KATNIP: variants seen among roughly 807,000 people sequenced by gnomAD.
KATNIP encodes katanin interacting protein.
KATNIP carries 126 observed loss-of-function variants against 174.0 expected under a neutral mutation model. The observed-to-expected ratio is 0.72, with a 90% CI of 0.63 to 0.84. The LOEUF (loss-of-function observed/expected upper bound fraction) is 0.84. Ranked by LOEUF, KATNIP falls within the 40% of genes least tolerant of loss-of-function variation. KATNIP has a pLI of 0.00. For synonymous variants in KATNIP, 810 were observed against 835.7 expected, an observed-to-expected ratio of 0.97 and a Z score of 0.53; for missense variants, 1,958 against 2,109.7, an observed-to-expected ratio of 0.93 and a Z score of 1.41.
chr16:27,589,677 T>C (rs2075108947), intron 2 of KATNIP, among the ~76,000 whole-genome samples: 1 of 152,328 alleles, frequency 6.6e-6, no homozygotes, highest in African/African-American at 2.4e-5. Flanking sequence ...TTTATTCCTG[T>C]GTTTTGGAAA....
intron 2 of KATNIP, among the ~76,000 whole-genome samples, chr16:27,609,640 T>G (rs946075904): frequency 6.6e-6 from 1 of 151,638 alleles, no homozygotes; most frequent in African/African-American, 2.4e-5. Flanking sequence ...TCCGCCCACC[T>G]CAGCCTCCCA....
At chr16:27,704,042 C>G in intron 12 of KATNIP, 44 bp downstream of exon 12, 1 of 1,479,208 alleles carries the variant, frequency 6.8e-7, no homozygotes, top group Non-Finnish European at 9.4e-7. Flanking sequence ...TCAGGAAGTT[C>G]CCTCAGAACA....
intron 2 of KATNIP, among the ~76,000 whole-genome samples, chr16:27,582,610 G>A (rs1252390432): frequency 6.6e-6 from 1 of 152,166 alleles, no homozygotes. Flanking sequence ...GTGCAGCAGA[G>A]GAATTGAGCT....
At chr16:27,596,507 T>C (rs1255863248) in intron 2 of KATNIP, among the ~76,000 whole-genome samples, 1 of 152,196 alleles carries the variant, frequency 6.6e-6, no homozygotes, top group Non-Finnish European at 1.5e-5. Context: ...TGTATTAAGC[T>C]GAGTCTGTCT....
In KATNIP at chr16:27,649,914, G is replaced by A. The variant is rs186557270; in HGVS notation, c.540+1179G>A. Among the ~76,000 whole-genome samples, 12 of 152,252 alleles carry A rather than the reference G, an allele frequency of 7.9e-5. No homozygotes were observed. In the South Asian group the frequency reaches 8.3e-4, roughly 11 times the overall value. Reference sequence around the variant, plus strand: ...CCTGGGGCCAGGCGCTGTGGCTCACGCCTGTAATCCTAGCACTTTGGGAGG... The same window carrying A: ...CCTGGGGCCAGGCGCTGTGGCTCACACCTGTAATCCTAGCACTTTGGGAGG... On this transcript the variant is annotated intron_variant, in intron 6 of 27. Coordinates refer to ENST00000261588, the MANE Select transcript of KATNIP (RefSeq NM_015202.5).
intron 13 of KATNIP, among the ~76,000 whole-genome samples, chr16:27,711,675 A>T (rs2079580979): frequency 6.6e-6 from 1 of 152,200 alleles, no homozygotes; most frequent in African/African-American, 2.4e-5. Context: ...GGTATTCAAG[A>T]TTGCTTAGAA....
At position 27,708,852 on chromosome 16, in the gene KATNIP, C is replaced by A. The variant is rs1478371566; in HGVS notation, c.1537C>A (p.His513Asn). The change falls in exon 13 of 28, where the codon CAC (histidine) becomes AAC (asparagine). Residue 513 changes from histidine (H) to asparagine (N), a missense_variant. Around this residue, in one of 3 missense-constraint regions of KATNIP, gnomAD observed 1,557 missense variants for 1,617.8 expected, o/e 0.96. Transcript: ENST00000261588. Reference protein sequence around the residue: ...LNDTKLYVSPHDVDIRNTATP... With the variant: ...LNDTKLYVSPNDVDIRNTATP... Reference sequence around the variant, plus strand: ...TGACACAAAGCTTTATGTGTCGCCCCACGATGTGGATATCCGGAACACAGC... The same window carrying A: ...TGACACAAAGCTTTATGTGTCGCCCAACGATGTGGATATCCGGAACACAGC... 5.6e-6 allele frequency: 9 copies of A among 1,614,002 alleles called. No homozygotes were observed. The East Asian group carries it at 2.0e-4, about 36-fold the overall frequency.
At chr16:27,613,962 G>C (rs9923986) in intron 2 of KATNIP, among the ~76,000 whole-genome samples, 33 of 152,144 alleles carry the variant, frequency 2.2e-4, no homozygotes, top group African/African-American at 7.7e-4. Flanking sequence ...TGTTGCCCCA[G>C]CTGCAGTGCA....
chr16:27,634,201 C>G (rs753202985), intron 5 of KATNIP, among the ~76,000 whole-genome samples: 1 of 152,226 alleles, frequency 6.6e-6, no homozygotes, highest in Non-Finnish European at 1.5e-5. Context: ...TGGTCCCACA[C>G]TTCACAGGGC....
intron 5 of KATNIP, among the ~76,000 whole-genome samples, chr16:27,641,751 G>A (rs1438960516): frequency 6.6e-6 from 1 of 152,226 alleles, no homozygotes; most frequent in African/African-American, 2.4e-5. Context: ...CAAAGGAGGG[G>A]CCTGGAATTC....
intron 6 of KATNIP, among the ~76,000 whole-genome samples, chr16:27,663,176 T>A (rs1196530433): frequency 6.9e-6 from 1 of 144,322 alleles, no homozygotes; most frequent in Non-Finnish European, 1.5e-5. Context: ...TTTTTTTTTT[T>A]AGGTAGAGAA....
At chr16:27,665,868 T>A (rs2077665703) in intron 6 of KATNIP, among the ~76,000 whole-genome samples, 1 of 152,216 alleles carries the variant, frequency 6.6e-6, no homozygotes, top group African/African-American at 2.4e-5. Flanking sequence ...GGCAAAGTGC[T>A]GGGATTACAG....
chr16:27,774,853 CCA>C, intron 23 of KATNIP, 90 bp from the exon 24 acceptor site: 1 of 1,484,920 alleles, frequency 6.7e-7, no homozygotes, highest in Non-Finnish European at 9.3e-7. Context: ...CCTGCCAGCC[CCA>C]GAGTCCCCCG....
intron 3 of KATNIP, among the ~76,000 whole-genome samples, chr16:27,627,135 C>T (rs2076357887): frequency 6.6e-6 from 1 of 152,200 alleles, no homozygotes; most frequent in South Asian, 2.1e-4. Flanking sequence ...CACTTGCAGA[C>T]ACGTGCAGAG....
intron 1 of KATNIP, among the ~76,000 whole-genome samples, chr16:27,569,151 G>A (rs2090194139): frequency 6.6e-6 from 1 of 152,110 alleles, no homozygotes; most frequent in South Asian, 2.1e-4. Context: ...TGTACTTTAC[G>A]GGTTGTTTAA....
intron 14 of KATNIP, 97 bp downstream of exon 14, chr16:27,721,792 C>A: frequency 2.2e-6 from 3 of 1,376,184 alleles, no homozygotes; most frequent in Non-Finnish European, 1.0e-6. Context: ...AAAATGGATA[C>A]ACGGAAGCCC....
Position 27,774,959 on chromosome 16 carries a change from C to T in KATNIP, c.4324C>T (p.Pro1442Ser). The T allele has an allele frequency of 6.2e-7, 1 of 1,613,906 alleles. No individual in the cohort carries two copies. Among genetic ancestry groups the T allele is most frequent in the Non-Finnish European group, 8.5e-7 (1 of 1,179,928 alleles). The change falls in exon 24 of 28, where the codon CCC (proline) becomes TCC (serine). Residue 1442 changes from proline (P) to serine (S), a missense_variant. Physicochemically the swap from Pro to Ser is moderately conservative, Grantham distance 74 (BLOSUM62 -1). Coordinates refer to ENST00000261588, the MANE Select transcript of KATNIP (RefSeq NM_015202.5). ...CGTCTCCTCAGATATTGCGGCCTTC[C>T]CCGACAGCGTGAACTCCCTGGAGGG... ...PLSENNIAAF[P>S]DSVNSLEGVG...
Position 27,681,542 on chromosome 16 carries a change from G to C in KATNIP, c.940+12G>C, listed in dbSNP as rs559511603. ...GAGGATGTGCTCCAGTAAGAGTTCC[G>C]GGGGCCCCTGAGCAGGGGAGCAGGG... On this transcript the variant is annotated intron_variant, in intron 8 of 27. Transcript: ENST00000261588. 6.2e-7 allele frequency: 1 copy of C among 1,613,186 alleles called. No individual in the cohort carries two copies.
At chr16:27,592,451 T>A (rs1483751424) in intron 2 of KATNIP, among the ~76,000 whole-genome samples, 3 of 151,856 alleles carry the variant, frequency 2.0e-5, no homozygotes, top group African/African-American at 7.3e-5. Flanking sequence ...GCCCTGTCTC[T>A]ACAAAAGTAC....
Sources: gnomAD v4.1 joint callset for allele counts (sites outside exome capture counted in the v4.1 genomes callset) on GRCh38, gnomAD v4.1.1 for gene constraint, gnomAD v4.1.1 regional missense constraint, MANE v1.5 for transcripts, NCBI Gene and HGNC (gene_info 2026-07-23, HGNC 2026-07-21) for gene names.